The following BBOF1 variants were observed in gnomAD, a reference collection of about 807,000 sequenced individuals.
BBOF1 encodes basal body orientation factor 1.
A neutral mutation model predicts 68.0 loss-of-function variants in BBOF1; 62 were observed. The ratio of observed to expected loss-of-function variants is 0.91; its 90% CI spans 0.74 to 1.13. The LOEUF (loss-of-function observed/expected upper bound fraction) is 1.13. BBOF1 is among the 50% of genes most tolerant of loss of function. The probability of loss-of-function intolerance (pLI) is 0.00; values close to 1 mark genes in which losing one functional copy is unlikely to be tolerated. For missense variants in BBOF1, 534 were observed against 600.1 expected (o/e 0.89, Z 1.15); for synonymous variants, 208 against 198.8 (o/e 1.05, Z -0.39).
intron 2 of BBOF1, among the ~76,000 whole-genome samples, chr14:74,025,456 G>C (rs549944338): frequency 6.6e-6 from 1 of 152,256 alleles, no homozygotes; most frequent in Non-Finnish European, 1.5e-5. Flanking sequence ...ATGTTATGTT[G>C]TTAAACTTTG....
Position 74,023,937 on chromosome 14 carries a change from AAAAAAAGAAAAG to A in BBOF1, c.285+798_285+809del, listed in dbSNP as rs2059363588. Among the ~76,000 whole-genome samples the A allele has an allele frequency of 2.0e-5, 3 of 151,720 alleles. 1 individual carries two copies. The South Asian group carries it at 6.3e-4, about 32-fold the overall frequency. The stretch of plus-strand genomic sequence containing the variant: ...AGAGACTCCATCTCAAAAAAAAAAA[AAAAAAAGAAAAG>A]AAAAGAAAAAGGGAAGGGAACTAAC... On this transcript the variant is annotated intron_variant, in intron 2 of 11. Transcript: ENST00000394009.
downstream of BBOF1, chr14:74,067,268 G>A: frequency 8.0e-7 from 1 of 1,250,146 alleles, no homozygotes; most frequent in Non-Finnish European, 1.2e-6. Flanking sequence ...ATAAAGAGAG[G>A]AAATGGCAAG....
chr14:74,071,936 C>T (rs757916989), intron 9 of BBOF1: 2 of 1,614,214 alleles, frequency 1.2e-6, no homozygotes, highest in Non-Finnish European at 1.7e-6. Context: ...CAGCTAGGGT[C>T]TTCCCTTGTT....
chr14:74,042,117 C>T (rs1261627289), intron 5 of BBOF1, among the ~76,000 whole-genome samples: 3 of 152,202 alleles, frequency 2.0e-5, no homozygotes, highest in Non-Finnish European at 4.4e-5. Context: ...TCCAGCAATC[C>T]TTCTGCCTTG....
rs546853558 is a variant in BBOF1 at position 74,020,740 on chromosome 14, G to A, written c.56+1206G>A. Among the ~76,000 whole-genome samples, 3 of 152,178 alleles carry A rather than the reference G, an allele frequency of 2.0e-5. No homozygotes were observed. In the South Asian group the frequency reaches 6.2e-4, roughly 32 times the overall value. On this transcript the variant is annotated intron_variant, in intron 1 of 11. Transcript: ENST00000394009. ...GCTGGTCTCGAACTCCTGACTTCAGGTGATCCACCCGCCTCGGCCTCCCAA... is the reference window on the plus strand; with the variant it reads ...GCTGGTCTCGAACTCCTGACTTCAGATGATCCACCCGCCTCGGCCTCCCAA...
Position 74,060,500 on chromosome 14 carries a change from G to A in BBOF1, c.1578+3242G>A, listed in dbSNP as rs8017248. On this transcript the variant is annotated intron_variant, in intron 11 of 11. Transcript: ENST00000394009. ...AGGCAGTTCCCTATAGAAACTTTGC[G>A]GGGGTTAATAGTCCTGAGGAAGATT... The A allele has an allele frequency of 0.98, 700,980 of 716,686 alleles. 342,905 individuals carry two copies. Among genetic ancestry groups the A allele is most frequent in the East Asian group, 1 (36,948 of 36,948 alleles). 44.4% of individuals were successfully genotyped at this position (716,686 alleles called of 1,614,324 possible).
In BBOF1 at chr14:74,065,425, T is replaced by A; in HGVS notation, c.*726T>A. 1 of 1,477,182 alleles carries A rather than the reference T, an allele frequency of 6.8e-7. No homozygotes were observed. 91.5% of individuals were successfully genotyped at this position (1,477,182 alleles called of 1,614,324 possible). The stretch of plus-strand genomic sequence containing the variant: ...TGGATTCTGAGTATTTTATGCTTAT[T>A]TGGTACTTTCACTTACTACACATCA... On this transcript the variant is annotated 3_prime_UTR_variant, in exon 12 of 12. Coordinates refer to ENST00000394009, the MANE Select transcript of BBOF1 (RefSeq NM_025057.3).
downstream of BBOF1, chr14:74,068,995 A>T: frequency 6.2e-7 from 1 of 1,613,320 alleles, no homozygotes; most frequent in Non-Finnish European, 8.5e-7. Context: ...TAAGAAGAAA[A>T]TAAATGATCA....
At chr14:74,042,391 G>C (rs1410873357) in intron 5 of BBOF1, among the ~76,000 whole-genome samples, 2 of 152,188 alleles carry the variant, frequency 1.3e-5, no homozygotes, top group Non-Finnish European at 2.9e-5. Context: ...TCTACTTGGT[G>C]TAGAAAATAA....
intron 10 of BBOF1, 55 bp downstream of exon 10, chr14:74,057,035 G>C: frequency 6.3e-7 from 1 of 1,586,844 alleles, no homozygotes; most frequent in South Asian, 1.1e-5. Flanking sequence ...TGGTTCTTGT[G>C]GGCATCTTGA....
intron 9 of BBOF1, chr14:74,071,388 A>T: frequency 1.9e-6 from 3 of 1,614,178 alleles, no homozygotes; most frequent in Non-Finnish European, 2.5e-6. Context: ...CAATGCCTGC[A>T]CACACTCCCA....
intron 7 of BBOF1, 51 bp downstream of exon 7, chr14:74,048,125 G>C: frequency 6.4e-7 from 1 of 1,560,224 alleles, no homozygotes. Flanking sequence ...TTAAGGATTG[G>C]GTTGGTAAAT....
At chr14:74,051,567 C>A (rs1046521438) in intron 8 of BBOF1, among the ~76,000 whole-genome samples, 3 of 151,704 alleles carry the variant, frequency 2.0e-5, no homozygotes, top group Non-Finnish European at 2.9e-5. Flanking sequence ...AGATCTGCTG[C>A]CACTATGATA....
chr14:74,081,879 T>TCAC (rs1255403791), intron 12 of BBOF1, among the ~76,000 whole-genome samples: 2 of 152,204 alleles, frequency 1.3e-5, no homozygotes, highest in East Asian at 3.8e-4. Flanking sequence ...GGTAACCATA[T>TCAC]CACCGACAGT....
chr14:74,037,236 G>GTGCTGGGA (rs2059725166), intron 4 of BBOF1, among the ~76,000 whole-genome samples: 1 of 138,952 alleles, frequency 7.2e-6, no homozygotes, highest in South Asian at 2.3e-4. Context: ...GCCTCCCAAA[G>GTGCTGGGA]TGCTGGGATT....
In BBOF1 at chr14:74,050,185, G is replaced by T. The variant is rs1182369691; in HGVS notation, c.1276G>T (p.Ala426Ser). 1.3e-6 allele frequency: 2 copies of T among 1,537,224 alleles called. No homozygotes were observed. Among genetic ancestry groups the T allele is most frequent in the East Asian group, 4.5e-5 (2 of 44,160 alleles). Residue 426 changes from alanine (A) to serine (S), a missense_variant, in exon 8 of 12, where the codon GCC becomes TCC. Ala to Ser is a moderately conservative substitution (Grantham distance 99). Coordinates refer to ENST00000394009, the MANE Select transcript of BBOF1 (RefSeq NM_025057.3). ...TAGTGTGAATCAGGATCTTCTGGAG[G>T]CCGAAAAATGGTACTAGCAATACTT... ...TNSVNQDLLEAEKWTHIEGNV... is the reference protein window; with the variant it reads ...TNSVNQDLLESEKWTHIEGNV...
intron 10 of BBOF1, among the ~76,000 whole-genome samples, chr14:74,078,605 G>A (rs1040514444): frequency 1.3e-5 from 2 of 152,152 alleles, no homozygotes; most frequent in African/African-American, 2.4e-5. Flanking sequence ...TTGGCTCACT[G>A]CAACCTCCAC....
At chr14:74,021,156 C>G (rs909769089) in intron 1 of BBOF1, among the ~76,000 whole-genome samples, 1 of 152,028 alleles carries the variant, frequency 6.6e-6, no homozygotes, top group African/African-American at 2.4e-5. Context: ...ATCATGGTAC[C>G]TACCATATAT....
At chr14:74,049,617 G>A (rs1022990708) in intron 7 of BBOF1, 85 bp from the exon 8 acceptor site, 1 of 1,170,186 alleles carries the variant, frequency 8.5e-7, no homozygotes, top group Non-Finnish European at 1.2e-6. Flanking sequence ...AGCTGAGATT[G>A]TGCCACTGCC....
Sources: gnomAD v4.1 joint callset for allele counts (sites outside exome capture counted in the v4.1 genomes callset) on GRCh38, gnomAD v4.1.1 for gene constraint, MANE v1.5 for transcripts, NCBI Gene and HGNC (gene_info 2026-07-23, HGNC 2026-07-21) for gene names.